The following NUBPL variants were observed in gnomAD, a reference collection of about 807,000 sequenced individuals.
The protein encoded by NUBPL is NUBP iron-sulfur cluster assembly factor, mitochondrial.
A neutral mutation model predicts 45.7 loss-of-function variants in NUBPL; 31 were observed. That is an observed-to-expected ratio of 0.68 (90% confidence interval 0.51 to 0.92). NUBPL has a LOEUF of 0.92. NUBPL is among the 40% of genes least tolerant of loss of function. The pLI is 0.00. For synonymous variants in NUBPL, 144 were observed against 140.9 expected (o/e 1.02, Z -0.15); for missense variants, 401 against 398.7 (o/e 1.01, Z -0.05).
intron 6 of NUBPL, among the ~76,000 whole-genome samples, chr14:31,769,523 A>C (rs1367533618): frequency 6.6e-6 from 1 of 152,144 alleles, no homozygotes; most frequent in African/African-American, 2.4e-5. Flanking sequence ...GTTCAGTATA[A>C]ATTTAAATGA....
intron 6 of NUBPL, among the ~76,000 whole-genome samples, chr14:31,730,334 G>A (rs148814573): frequency 0.011 from 1,703 of 152,246 alleles, 29 homozygotes; most frequent in African/African-American, 0.039. Flanking sequence ...CCAAGGTTGA[G>A]AATTCTGCAC....
At chr14:31,717,329 T>C (rs2139940333) in intron 6 of NUBPL, among the ~76,000 whole-genome samples, 1 of 152,318 alleles carries the variant, frequency 6.6e-6, no homozygotes, top group South Asian at 2.1e-4. Flanking sequence ...TGTTACTCCT[T>C]TGGGAAAGCC....
At chr14:31,857,171 T>C (rs1046835282) in intron 10 of NUBPL, among the ~76,000 whole-genome samples, 1 of 152,168 alleles carries the variant, frequency 6.6e-6, no homozygotes, top group Non-Finnish European at 1.5e-5. Context: ...CTCAACACCA[T>C]GTGGAAGCTG....
At chr14:31,709,238 A>C (rs2037518081) in intron 6 of NUBPL, among the ~76,000 whole-genome samples, 2 of 149,666 alleles carry the variant, frequency 1.3e-5, no homozygotes, top group African/African-American at 2.6e-5. Context: ...TTTGGTTGAC[A>C]GGGGAGTATA....
Position 31,815,811 on chromosome 14 carries a change from C to T in NUBPL, c.608-10818C>T, listed in dbSNP as rs142645118. ...AGATAATCATGTGGTTTTTGTCATTCGTTCTGTTTATGTGATGGATTATTT... is the reference window on the plus strand; with the variant it reads ...AGATAATCATGTGGTTTTTGTCATTTGTTCTGTTTATGTGATGGATTATTT... On this transcript the variant is annotated intron_variant, in intron 7 of 10. Coordinates refer to ENST00000281081, the MANE Select transcript of NUBPL (RefSeq NM_025152.3). Among the ~76,000 whole-genome samples the T allele has an allele frequency of 1.9e-3, 283 of 152,064 alleles. 1 individual carries two copies. Among genetic ancestry groups the T allele is most frequent in the African/African-American group, 6.5e-3 (268 of 41,484 alleles).
chr14:31,573,981 A>G (rs1287991896), intron 3 of NUBPL, among the ~76,000 whole-genome samples: 1 of 152,176 alleles, frequency 6.6e-6, no homozygotes, highest in Non-Finnish European at 1.5e-5. Context: ...TGTTAAGTGA[A>G]GAGTGGCCAC....
chr14:31,780,599 T>A, intron 6 of NUBPL, among the ~76,000 whole-genome samples: 1 of 149,430 alleles, frequency 6.7e-6, no homozygotes, highest in East Asian at 1.9e-4. Context: ...GACTTAACGA[T>A]TAAGACTTAA....
chr14:31,768,964 C>T (rs2038961169), intron 6 of NUBPL, among the ~76,000 whole-genome samples: 1 of 152,040 alleles, frequency 6.6e-6, no homozygotes, highest in African/African-American at 2.4e-5. Flanking sequence ...TTATTTGGGC[C>T]AAGCTTGAGG....
intron 6 of NUBPL, among the ~76,000 whole-genome samples, chr14:31,682,132 T>C (rs567093803): frequency 1.3e-5 from 2 of 152,296 alleles, no homozygotes; most frequent in African/African-American, 4.8e-5. Context: ...TGTTAACATC[T>C]CCAGGTATGA....
chr14:31,673,998 A>C (rs2036634730), intron 6 of NUBPL, among the ~76,000 whole-genome samples: 1 of 152,186 alleles, frequency 6.6e-6, no homozygotes, highest in Non-Finnish European at 1.5e-5. Flanking sequence ...TTGCTCCAGA[A>C]AAAAGTAAAA....
chr14:31,818,535 C>T (rs1323195627), intron 7 of NUBPL, among the ~76,000 whole-genome samples: 1 of 151,788 alleles, frequency 6.6e-6, no homozygotes, highest in East Asian at 1.9e-4. Flanking sequence ...CTTTTTTCCA[C>T]AGTTGATATA....
intron 3 of NUBPL, among the ~76,000 whole-genome samples, chr14:31,580,375 C>A (rs1199311268): frequency 6.6e-6 from 1 of 152,144 alleles, no homozygotes; most frequent in East Asian, 1.9e-4. Flanking sequence ...TTAATCCCAG[C>A]AACTTAGGAG....
At chr14:31,655,765 C>G (rs1446738790) in intron 4 of NUBPL, among the ~76,000 whole-genome samples, 1 of 152,148 alleles carries the variant, frequency 6.6e-6, no homozygotes, top group Non-Finnish European at 1.5e-5. Flanking sequence ...TTTATTTTTC[C>G]ATTTATAGAG....
intron 6 of NUBPL, among the ~76,000 whole-genome samples, chr14:31,765,084 A>G (rs187618219): frequency 4.6e-5 from 7 of 152,322 alleles, no homozygotes; most frequent in Non-Finnish European, 8.8e-5. Flanking sequence ...TGGCAAGTCT[A>G]TTTAACACGG....
intron 6 of NUBPL, among the ~76,000 whole-genome samples, chr14:31,749,673 T>A (rs1413829465): frequency 6.6e-6 from 1 of 152,216 alleles, no homozygotes; most frequent in Non-Finnish European, 1.5e-5. Flanking sequence ...GTAATGTGGC[T>A]TGGAGACTAC....
At chr14:31,858,974 G>A in intron 10 of NUBPL, 144 bp from the exon 11 acceptor site, 1 of 702,856 alleles carries the variant, frequency 1.4e-6, no homozygotes, top group South Asian at 1.6e-5. Flanking sequence ...AATATATACA[G>A]CACTATCTTC....
At chr14:31,758,833 T>C (rs540023961) in intron 6 of NUBPL, among the ~76,000 whole-genome samples, 1 of 152,306 alleles carries the variant, frequency 6.6e-6, no homozygotes, top group East Asian at 1.9e-4. Context: ...ACTAATGAAG[T>C]AATTTTGCAT....
At chr14:31,588,229 T>C (rs1255596039) in intron 3 of NUBPL, among the ~76,000 whole-genome samples, 1 of 152,198 alleles carries the variant, frequency 6.6e-6, no homozygotes, top group Admixed American at 6.5e-5. Context: ...GGTTATTGTA[T>C]ACCTACTTTA....
chr14:31,618,827 A>T (rs1382683082), intron 4 of NUBPL, among the ~76,000 whole-genome samples: 1 of 152,120 alleles, frequency 6.6e-6, no homozygotes, highest in East Asian at 1.9e-4. Context: ...GCTGAGTTCA[A>T]GTCCTGGAAA....
Sources: allele counts gnomAD v4.1 joint callset (sites outside exome capture counted in the v4.1 genomes callset), GRCh38; gene constraint gnomAD v4.1.1; transcripts MANE v1.5; gene names NCBI Gene and HGNC (gene_info 2026-07-23, HGNC 2026-07-21).